The following FGD6 variants were observed in gnomAD, a reference collection of about 807,000 sequenced individuals.
FGD6 encodes the protein FYVE, RhoGEF and PH domain-containing protein 6.
In FGD6, 90 loss-of-function variants were observed where a neutral mutation model predicts 149.4. That is an observed-to-expected ratio of 0.60 (90% CI 0.51 to 0.72). FGD6 has a LOEUF of 0.72. FGD6 is among the 30% of genes least tolerant of loss of function. FGD6 has a pLI of 0.00. For synonymous variants in FGD6, 527 were observed against 584.0 expected, an observed-to-expected ratio of 0.90 and a Z score of 1.41; for missense variants, 1,437 against 1,684.8, an observed-to-expected ratio of 0.85 and a Z score of 2.57.
At chr12:95,207,070 C>T (rs10859849) in intron 2 of FGD6, among the ~76,000 whole-genome samples, 16,542 of 151,544 alleles carry the variant, frequency 0.11, 988 homozygotes, top group East Asian at 0.25. Context: ...AATTGTAGTC[C>T]CCATAATCCC....
chr12:95,176,474 G>A (rs1211026895), intron 2 of FGD6, among the ~76,000 whole-genome samples: 1 of 152,144 alleles, frequency 6.6e-6, no homozygotes, highest in East Asian at 1.9e-4. Flanking sequence ...CAAAGAGTGG[G>A]CTCTACTTCC....
chr12:95,201,426 C>T (rs983064112), intron 2 of FGD6, among the ~76,000 whole-genome samples: 6 of 152,168 alleles, frequency 3.9e-5, no homozygotes. Flanking sequence ...CTATTACTTT[C>T]TATCACATTT....
intron 6 of FGD6, among the ~76,000 whole-genome samples, chr12:95,141,039 C>T (rs200069674): frequency 2.0e-5 from 3 of 151,960 alleles, no homozygotes; most frequent in South Asian, 2.1e-4. Context: ...CTGGCCAACA[C>T]GGTGAAACCT....
At chr12:95,149,878 G>A (rs1319911012) in intron 5 of FGD6, among the ~76,000 whole-genome samples, 1 of 144,954 alleles carries the variant, frequency 6.9e-6, no homozygotes, top group Non-Finnish European at 1.5e-5. Flanking sequence ...ATAATAGATT[G>A]CTATACTACA....
intron 17 of FGD6, among the ~76,000 whole-genome samples, chr12:95,089,967 T>TA (rs1565892684): frequency 6.6e-6 from 1 of 151,686 alleles, no homozygotes; most frequent in Admixed American, 6.6e-5. Flanking sequence ...ACTACCAACT[T>TA]AAAAAAAATC....
chr12:95,217,414 A>T lies in FGD6; in HGVS notation c.-174T>A. ...ACAAAGGACGCGGCCGACTCTAGCGACCCTGCGGCGCTCCCGGGCGCGAGC... is the reference window on the plus strand; with the variant it reads ...ACAAAGGACGCGGCCGACTCTAGCGTCCCTGCGGCGCTCCCGGGCGCGAGC... On this transcript the variant is annotated 5_prime_UTR_variant, in exon 1 of 21. Transcript: ENST00000343958. 9.4e-7 allele frequency: 1 copy of T among 1,061,120 alleles called. No individual in the cohort carries two copies. The highest frequency in any genetic ancestry group is 1.3e-6 in the Non-Finnish European group (1 of 791,154). 65.7% of individuals were successfully genotyped at this position (1,061,120 alleles called of 1,614,324 possible). A position where few individuals can be genotyped will look rare whatever the true frequency, so the allele number is the denominator to read the frequency against.
At chr12:95,140,492 C>T (rs565892495) in intron 6 of FGD6, among the ~76,000 whole-genome samples, 1 of 152,304 alleles carries the variant, frequency 6.6e-6, no homozygotes, top group East Asian at 1.9e-4. Context: ...TGGCATGCGC[C>T]TGTAATCCCA....
intron 8 of FGD6, 44 bp from the exon 9 acceptor site, chr12:95,113,745 G>A (rs370247706): frequency 2.3e-6 from 3 of 1,304,374 alleles, no homozygotes; most frequent in African/African-American, 1.5e-5. Context: ...ATAAACCAGT[G>A]AGCCCCAAAC....
intron 17 of FGD6, 23 bp from the exon 18 acceptor site, chr12:95,089,719 A>G (rs1218747754): frequency 1.2e-6 from 2 of 1,610,824 alleles, no homozygotes; most frequent in African/African-American, 1.3e-5. Context: ...AGGCATGCTT[A>G]TGTAGGCAAT....
At chr12:95,203,606 TG>T (rs1251643467) in intron 2 of FGD6, among the ~76,000 whole-genome samples, 2 of 152,240 alleles carry the variant, frequency 1.3e-5, no homozygotes, top group East Asian at 3.8e-4. Context: ...GTCACCTCAA[TG>T]GGCAGAAGTT....
At chr12:95,180,244 T>TTGTGTG (rs141054041) in intron 2 of FGD6, among the ~76,000 whole-genome samples, 1 of 151,372 alleles carries the variant, frequency 6.6e-6, no homozygotes, top group Non-Finnish European at 1.5e-5. Flanking sequence ...GTGTGTATAT[T>TTGTGTG]TGTGTGTGTG....
intron 3 of FGD6, among the ~76,000 whole-genome samples, chr12:95,162,239 T>C (rs1291169128): frequency 6.6e-6 from 1 of 151,740 alleles, no homozygotes. Flanking sequence ...ATAGCCCCAG[T>C]TGGCCAGGTG....
At chr12:95,149,357 T>TTATATAATATATAGCA (rs1320680556) in intron 5 of FGD6, among the ~76,000 whole-genome samples, 3 of 113,496 alleles carry the variant, frequency 2.6e-5, no homozygotes, top group Non-Finnish European at 5.0e-5. Flanking sequence ...ATAGCATATA[T>TTATATAATATATAGCA]TATATTATAT....
At chr12:95,187,422 AGGTGGGC>A (rs1881472343) in intron 2 of FGD6, among the ~76,000 whole-genome samples, 1 of 20,784 alleles carries the variant, frequency 4.8e-5, no homozygotes, top group South Asian at 1.2e-3. Context: ...GCAGATCATG[AGGTGGGC>A]AGATCATGAG....
intron 2 of FGD6, among the ~76,000 whole-genome samples, chr12:95,201,186 C>T (rs1297946400): frequency 2.6e-5 from 4 of 152,002 alleles, no homozygotes; most frequent in Non-Finnish European, 4.4e-5. Flanking sequence ...AATATGAATA[C>T]TCATTCCCTT....
At chr12:95,208,792 GA>G in intron 2 of FGD6, 50 bp downstream of exon 2, 2 of 1,551,908 alleles carry the variant, frequency 1.3e-6, no homozygotes, top group South Asian at 2.5e-5. Flanking sequence ...CCAGGCTGTT[GA>G]AGGTTAATTG....
chr12:95,184,733 C>A (rs892513336), intron 2 of FGD6, among the ~76,000 whole-genome samples: 1 of 151,930 alleles, frequency 6.6e-6, no homozygotes, highest in African/African-American at 2.4e-5. Flanking sequence ...AGGTGTCCAC[C>A]ACCAAGCCCA....
chr12:95,115,241 T>C (rs1168397022), intron 8 of FGD6, among the ~76,000 whole-genome samples: 1 of 152,102 alleles, frequency 6.6e-6, no homozygotes, highest in Non-Finnish European at 1.5e-5. Context: ...ATAAAAACAG[T>C]TCACTTACTC....
intron 5 of FGD6, among the ~76,000 whole-genome samples, chr12:95,145,694 T>C (rs1296198311): frequency 1.3e-5 from 2 of 152,112 alleles, no homozygotes; most frequent in Non-Finnish European, 2.9e-5. Flanking sequence ...TTTTTTGTTT[T>C]TGAGATGGAG....
Sources: gnomAD v4.1 joint callset for allele counts (sites outside exome capture counted in the v4.1 genomes callset) on GRCh38, gnomAD v4.1.1 for gene constraint, MANE v1.5 for transcripts, NCBI Gene and HGNC (gene_info 2026-07-23, HGNC 2026-07-21) for gene names.